PIK3C2G: variants seen among roughly 807,000 people sequenced by gnomAD.
The protein encoded by PIK3C2G is phosphatidylinositol-4-phosphate 3-kinase catalytic subunit type 2 gamma, also known as phosphatidylinositol 3-kinase C2 domain-containing subunit gamma.
In PIK3C2G, 168 loss-of-function variants were observed where a neutral mutation model predicts 181.1. That is an observed-to-expected ratio of 0.93 (90% CI 0.82 to 1.05). PIK3C2G has a LOEUF of 1.05. Among genes scored for constraint, PIK3C2G ranks in the 50% least tolerant of loss-of-function variants. The pLI, the probability that PIK3C2G is intolerant of heterozygous loss-of-function variation, is 0.00. For synonymous variants in PIK3C2G, 573 were observed against 592.2 expected (o/e 0.97, Z 0.47); for missense variants, 1,869 against 1,732.8 (o/e 1.08, Z -1.40).
intron 29 of PIK3C2G, among the ~76,000 whole-genome samples, chr12:18,588,905 G>A (rs1229180128): frequency 6.6e-6 from 1 of 152,050 alleles, no homozygotes. Flanking sequence ...GAAATGCTAT[G>A]CGGTCATAAA....
intron 31 of PIK3C2G, among the ~76,000 whole-genome samples, chr12:18,610,354 T>G (rs962621700): frequency 6.6e-6 from 1 of 152,128 alleles, no homozygotes; most frequent in Non-Finnish European, 1.5e-5. Context: ...CTCTCTTCTT[T>G]GTGCACATAA....
intron 31 of PIK3C2G, among the ~76,000 whole-genome samples, chr12:18,611,433 A>G (rs776399609): frequency 1.3e-5 from 2 of 152,048 alleles, no homozygotes; most frequent in African/African-American, 4.8e-5. Context: ...TTAAAATTCA[A>G]TCCTAGGCCT....
At position 18,442,727 on chromosome 12, in the gene PIK3C2G, C is replaced by T. The variant is rs1946810891; in HGVS notation, c.2504+18688C>T. Among the ~76,000 whole-genome samples the T allele has an allele frequency of 2.6e-5, 4 of 152,266 alleles. No individual in the cohort carries two copies. The South Asian group carries it at 8.3e-4, about 32-fold the overall frequency. ...ATTATAATTCTTCAGATATTAACAA[C>T]ATTTACAATTGATTAAAATATTTAA... On this transcript the variant is annotated intron_variant, in intron 18 of 32. Coordinates refer to ENST00000538779, the MANE Select transcript of PIK3C2G (RefSeq NM_001288772.2).
chr12:18,444,965 C>T (rs1329808644), intron 18 of PIK3C2G, among the ~76,000 whole-genome samples: 1 of 152,006 alleles, frequency 6.6e-6, no homozygotes, highest in African/African-American at 2.4e-5. Flanking sequence ...ATCAATGAAG[C>T]AGAAAAGACC....
chr12:18,445,879 C>T (rs544040331), intron 18 of PIK3C2G, among the ~76,000 whole-genome samples: 9 of 152,206 alleles, frequency 5.9e-5, no homozygotes, highest in African/African-American at 2.2e-4. Flanking sequence ...AGTGCAATTG[C>T]ATAGAACATC....
chr12:18,677,043 A>G, the PIK3C2G span, among the ~76,000 whole-genome samples: 2 of 152,208 alleles, frequency 1.3e-5, no homozygotes, highest in East Asian at 1.9e-4. Flanking sequence ...GATGAATGAG[A>G]GTGATTCTTT....
intron 18 of PIK3C2G, among the ~76,000 whole-genome samples, chr12:18,430,550 T>G (rs1946098429): frequency 6.6e-6 from 1 of 152,180 alleles, no homozygotes; most frequent in Non-Finnish European, 1.5e-5. Context: ...AATAATTTAC[T>G]ATTCAATGTA....
At chr12:18,539,638 CA>C (rs1161976785) in intron 25 of PIK3C2G, among the ~76,000 whole-genome samples, 1 of 151,864 alleles carries the variant, frequency 6.6e-6, no homozygotes, top group African/African-American at 2.4e-5. Flanking sequence ...AGGAAACTTC[CA>C]TCACCACAGA....
upstream of PIK3C2G, among the ~76,000 whole-genome samples, chr12:18,257,764 AAAAG>A (rs1176294097): frequency 1.2e-4 from 16 of 135,408 alleles, no homozygotes; most frequent in African/African-American, 3.6e-4. Context: ...AGGGAGGAAA[AAAAG>A]AAGAAGAAAA....
intron 18 of PIK3C2G, among the ~76,000 whole-genome samples, chr12:18,454,433 T>C (rs1447691597): frequency 1.3e-5 from 2 of 152,038 alleles, no homozygotes; most frequent in Non-Finnish European, 2.9e-5. Context: ...GAGAAAACAG[T>C]GAGTTCAAAG....
At chr12:18,426,842 C>T (rs11044102) in intron 18 of PIK3C2G, among the ~76,000 whole-genome samples, 16,562 of 152,168 alleles carry the variant, frequency 0.11, 929 homozygotes, top group Non-Finnish European at 0.13. Flanking sequence ...ATTTTAAATG[C>T]CTAATTTAAA....
At chr12:18,264,586 G>A (rs377444831) in intron 1 of PIK3C2G, among the ~76,000 whole-genome samples, 7 of 151,198 alleles carry the variant, frequency 4.6e-5, no homozygotes, top group South Asian at 4.2e-4. Context: ...CTCCTTTGTT[G>A]TGATATTTTT....
chr12:18,505,089 G>A (rs988516277), intron 23 of PIK3C2G, among the ~76,000 whole-genome samples: 3 of 152,090 alleles, frequency 2.0e-5, no homozygotes, highest in African/African-American at 7.2e-5. Context: ...TCATCTATTA[G>A]GCTAAAGAAC....
At chr12:18,693,048 A>C in the PIK3C2G span, 3 of 1,472,258 alleles carry the variant, frequency 2.0e-6, no homozygotes, top group African/African-American at 4.2e-5. Context: ...ATTAGAAGAA[A>C]AGCAAGAAGG....
chr12:18,559,075 A>G (rs984041463), intron 26 of PIK3C2G, among the ~76,000 whole-genome samples: 2 of 152,230 alleles, frequency 1.3e-5, no homozygotes, highest in African/African-American at 4.8e-5. Flanking sequence ...AGTTCAAAAA[A>G]GAATGATGTC....
the PIK3C2G span, among the ~76,000 whole-genome samples, chr12:18,667,026 TA>T: frequency 6.6e-6 from 1 of 152,160 alleles, no homozygotes; most frequent in Non-Finnish European, 1.5e-5. Flanking sequence ...AATAATGGTG[TA>T]GGCTATATCA....
At chr12:18,537,498 C>G (rs1455315874) in intron 24 of PIK3C2G, among the ~76,000 whole-genome samples, 1 of 152,008 alleles carries the variant, frequency 6.6e-6, no homozygotes, top group East Asian at 1.9e-4. Context: ...GGACGTGGGA[C>G]CATCTTCTCT....
At chr12:18,276,428 C>T (rs73060446) in intron 1 of PIK3C2G, among the ~76,000 whole-genome samples, 2,402 of 152,210 alleles carry the variant, frequency 0.016, 29 homozygotes, top group Middle Eastern at 0.027. Flanking sequence ...AATGTAACAA[C>T]GCTTAGGAAT....
intron 1 of PIK3C2G, among the ~76,000 whole-genome samples, chr12:18,255,244 T>TAAACAAAC (rs1432868940): frequency 2.0e-5 from 3 of 147,206 alleles, no homozygotes; most frequent in Non-Finnish European, 3.0e-5. Flanking sequence ...AATAAATAAA[T>TAAACAAAC]AAATAAATAA....
Sources: gnomAD v4.1 joint callset for allele counts (sites outside exome capture counted in the v4.1 genomes callset) on GRCh38, gnomAD v4.1.1 for gene constraint, MANE v1.5 for transcripts, NCBI Gene and HGNC (gene_info 2026-07-23, HGNC 2026-07-21) for gene names.